CSRNP3: variants seen among roughly 807,000 people sequenced by gnomAD.
CSRNP3 encodes cysteine and serine rich nuclear protein 3, also known as cysteine/serine-rich nuclear protein 3.
CSRNP3 carries 12 observed loss-of-function variants against 48.0 expected under a neutral mutation model. That is an observed-to-expected ratio of 0.25 (90% CI 0.16 to 0.41). The LOEUF is 0.41. CSRNP3 is among the 10% of genes least tolerant of loss of function. CSRNP3 has a pLI of 1.00. For synonymous variants in CSRNP3, 263 were observed against 269.7 expected, an observed-to-expected ratio of 0.98 and a Z score of 0.24; for missense variants, 580 against 724.4, an observed-to-expected ratio of 0.80 and a Z score of 2.29.
Position 165,666,814 on chromosome 2 carries a change from AAG to A in CSRNP3, c.408+8802_408+8803del, listed in dbSNP as rs1201845500. Among the ~76,000 whole-genome samples, 397 of 122,128 alleles carry A rather than the reference AAG, an allele frequency of 3.3e-3. 1 individual carries two copies. Among genetic ancestry groups the A allele is most frequent in the African/African-American group, 0.012 (381 of 32,728 alleles). 80.1% of individuals were successfully genotyped at this position (122,128 alleles called of 152,430 possible). ...AAGGAAAGAGAGAGAGGAAGAAAGA[AAG>A]AGAGAGAAAGGAAGGACGGAAGGAA... is the stretch of plus-strand genomic sequence containing the variant. On this transcript the variant is annotated intron_variant, in intron 5 of 6. Transcript: ENST00000651982.
At chr2:165,529,083 C>T (rs1222885145) in intron 3 of CSRNP3, among the ~76,000 whole-genome samples, 1 of 152,228 alleles carries the variant, frequency 6.6e-6, no homozygotes, top group Admixed American at 6.5e-5. Flanking sequence ...CCTGCCCTCA[C>T]AGGCTCAGAA....
At chr2:165,672,236 TC>T (rs1168961005) in intron 5 of CSRNP3, among the ~76,000 whole-genome samples, 1 of 152,194 alleles carries the variant, frequency 6.6e-6, no homozygotes, top group Non-Finnish European at 1.5e-5. Context: ...TATCTTTACA[TC>T]ATCACCCTAC....
At chr2:165,524,061 G>C (rs902548757) in intron 3 of CSRNP3, among the ~76,000 whole-genome samples, 2 of 152,170 alleles carry the variant, frequency 1.3e-5, no homozygotes, top group Non-Finnish European at 2.9e-5. Flanking sequence ...GCATACATCA[G>C]AGCAATAAAA....
intron 3 of CSRNP3, among the ~76,000 whole-genome samples, chr2:165,519,313 C>T (rs576077821): frequency 1.3e-5 from 2 of 151,918 alleles, no homozygotes; most frequent in East Asian, 1.9e-4. Flanking sequence ...CCTTACTAAG[C>T]TCATCAGAGA....
chr2:165,592,026 C>T (rs1020814551), intron 3 of CSRNP3, among the ~76,000 whole-genome samples: 1 of 152,226 alleles, frequency 6.6e-6, no homozygotes, highest in African/African-American at 2.4e-5. Flanking sequence ...CACTCAATGT[C>T]AGCCCGTAAA....
intron 4 of CSRNP3, among the ~76,000 whole-genome samples, chr2:165,614,879 T>G (rs763237445): frequency 6.6e-6 from 1 of 152,206 alleles, no homozygotes; most frequent in Non-Finnish European, 1.5e-5. Flanking sequence ...AAAGTTCTTC[T>G]TATTATTGAT....
chr2:165,533,884 A>C lies in CSRNP3; in HGVS notation c.-24+15923A>C, dbSNP rs896083367. 6.9e-4 allele frequency among the ~76,000 whole-genome samples: 105 copies of C among 151,960 alleles called. 1 individual carries two copies. Among genetic ancestry groups the C allele is most frequent in the Non-Finnish European group, 2.5e-4 (17 of 67,926 alleles). ...CTAGCAAGTTGATAAGTGTAAGAAA[A>C]CTTTTTATAAATGGGGAAATATAAG... On this transcript the variant is annotated intron_variant, in intron 3 of 6. Coordinates refer to ENST00000651982, the MANE Select transcript of CSRNP3 (RefSeq NM_001172173.2).
At chr2:165,521,003 A>T (rs1368886463) in intron 3 of CSRNP3, among the ~76,000 whole-genome samples, 1 of 150,748 alleles carries the variant, frequency 6.6e-6, no homozygotes, top group Non-Finnish European at 1.5e-5. Flanking sequence ...TTTTTAAAAA[A>T]TTTTTTGTAG....
chr2:165,472,723 A>G (rs1683910997), intron 1 of CSRNP3, among the ~76,000 whole-genome samples: 1 of 151,692 alleles, frequency 6.6e-6, no homozygotes, highest in Admixed American at 6.6e-5. Context: ...TCTCTTTACA[A>G]CTCATTTAAA....
intron 3 of CSRNP3, among the ~76,000 whole-genome samples, chr2:165,591,346 GGT>G (rs1685714476): frequency 6.6e-6 from 1 of 152,182 alleles, no homozygotes; most frequent in Admixed American, 6.5e-5. Context: ...AGAGCATAAA[GGT>G]TGGAAAATTT....
At chr2:165,486,355 G>A (rs1159519392) in intron 1 of CSRNP3, among the ~76,000 whole-genome samples, 7 of 151,436 alleles carry the variant, frequency 4.6e-5, no homozygotes, top group African/African-American at 1.2e-4. Flanking sequence ...CAAGGCGGCA[G>A]CGAGGCTGGG....
chr2:165,635,396 A>C (rs887568574), intron 4 of CSRNP3, among the ~76,000 whole-genome samples: 9 of 152,110 alleles, frequency 5.9e-5, no homozygotes, highest in Admixed American at 1.3e-4. Flanking sequence ...AAGGAGCTTT[A>C]AAGGAAAACT....
At chr2:165,575,138 G>A (rs1685427684) in intron 3 of CSRNP3, among the ~76,000 whole-genome samples, 1 of 152,108 alleles carries the variant, frequency 6.6e-6, no homozygotes, top group African/African-American at 2.4e-5. Flanking sequence ...CCTTATAAAT[G>A]TCACAGACAG....
chr2:165,609,465 GA>G (rs34249194), intron 4 of CSRNP3, among the ~76,000 whole-genome samples: 2,170 of 97,520 alleles, frequency 0.022, 6 homozygotes, highest in Non-Finnish European at 0.027. Flanking sequence ...TCTAAAAAAA[GA>G]AAAAAAAAAA....
At chr2:165,525,916 A>G (rs1684727003) in intron 3 of CSRNP3, among the ~76,000 whole-genome samples, 1 of 152,136 alleles carries the variant, frequency 6.6e-6, no homozygotes. Context: ...TAATTTTTGC[A>G]TGTTATGAAA....
intron 3 of CSRNP3, among the ~76,000 whole-genome samples, chr2:165,565,419 G>A (rs1181156712): frequency 6.6e-6 from 1 of 152,056 alleles, no homozygotes; most frequent in Non-Finnish European, 1.5e-5. Context: ...GCAAGACCAT[G>A]AGAATTAAGT....
At position 165,614,385 on chromosome 2, in the gene CSRNP3, C is replaced by T. The variant is rs184075164; in HGVS notation, c.148+19172C>T. Among the ~76,000 whole-genome samples, 49 of 152,268 alleles carry T rather than the reference C, an allele frequency of 3.2e-4. No individual in the cohort carries two copies. The East Asian group carries it at 8.5e-3, about 26-fold the overall frequency. On this transcript the variant is annotated intron_variant, in intron 4 of 6. Transcript: ENST00000651982. ...AAATCATGTCATCTGCAAAGAAGGACAATTTGACTTACTTTTCCAATTTGG... is the reference window on the plus strand; with the variant it reads ...AAATCATGTCATCTGCAAAGAAGGATAATTTGACTTACTTTTCCAATTTGG...
intron 3 of CSRNP3, among the ~76,000 whole-genome samples, chr2:165,522,650 A>T (rs1266786696): frequency 6.6e-6 from 1 of 151,748 alleles, no homozygotes; most frequent in African/African-American, 2.4e-5. Flanking sequence ...AGCGGGGTGA[A>T]GTTAGGTTAC....
At chr2:165,640,843 A>G (rs1317604390) in intron 4 of CSRNP3, among the ~76,000 whole-genome samples, 2 of 152,212 alleles carry the variant, frequency 1.3e-5, no homozygotes, top group Non-Finnish European at 2.9e-5. Context: ...TTGGTAAATT[A>G]CTTCACCTCT....
Sources: gnomAD v4.1 joint callset for allele counts (sites outside exome capture counted in the v4.1 genomes callset) on GRCh38, gnomAD v4.1.1 for gene constraint, MANE v1.5 for transcripts, NCBI Gene and HGNC (gene_info 2026-07-23, HGNC 2026-07-21) for gene names.